Variants in ZFP14 observed in about 807,000 individuals in gnomAD.
ZFP14 encodes ZFP14 zinc finger protein, also known as zinc finger protein 14 homolog.
A neutral mutation model predicts 54.5 loss-of-function variants in ZFP14; 22 were observed. The observed-to-expected ratio is 0.40, with a 90% CI of 0.29 to 0.58. The LOEUF (loss-of-function observed/expected upper bound fraction) is 0.58, where lower values mean the gene tolerates loss of function less well. Among genes scored for constraint, ZFP14 ranks in the 20% least tolerant of loss-of-function variants. ZFP14 has a pLI of 0.39. For missense variants in ZFP14, 470 were observed against 637.8 expected (o/e 0.74, Z 2.83); for synonymous variants, 159 against 204.0 (o/e 0.78, Z 1.88).
chr19:36,365,823 G>A (rs2031785169), intron 2 of ZFP14, among the ~76,000 whole-genome samples: 2 of 152,028 alleles, frequency 1.3e-5, no homozygotes, highest in Admixed American at 6.6e-5. Context: ...AGCCAAGAGT[G>A]GTGGCACGTG....
chr19:36,347,488 T>C (rs1334661093), intron 4 of ZFP14, among the ~76,000 whole-genome samples: 1 of 151,784 alleles, frequency 6.6e-6, no homozygotes, highest in Non-Finnish European at 1.5e-5. Context: ...AAGGCGCCTA[T>C]AGTCCCAGTT....
chr19:36,367,490 T>C lies in ZFP14; in HGVS notation c.9+394A>G, dbSNP rs1600083243. Among the ~76,000 whole-genome samples, 2 of 150,966 alleles carry C rather than the reference T, an allele frequency of 1.3e-5. 1 individual carries two copies. Among genetic ancestry groups the C allele is most frequent in the Non-Finnish European group, 3.0e-5 (2 of 67,680 alleles). ...AGGGAAAAGAACTGGAGTAGGTTCT[T>C]TTTTTTTTGAGATGGTGTCTTGCTC... On this transcript the variant is annotated intron_variant, in intron 2 of 4. Transcript: ENST00000270001.
intron 4 of ZFP14, among the ~76,000 whole-genome samples, chr19:36,346,614 G>A (rs2031419915): frequency 6.6e-6 from 1 of 151,928 alleles, no homozygotes; most frequent in Non-Finnish European, 1.5e-5. Context: ...TTTCTACCAT[G>A]CCCAGCTAAT....
intron 1 of ZFP14, among the ~76,000 whole-genome samples, chr19:36,377,339 C>T (rs2031978351): frequency 6.6e-6 from 1 of 151,950 alleles, no homozygotes; most frequent in Non-Finnish European, 1.5e-5. Context: ...TCCTTGACTC[C>T]AGGAGTTCAA....
intron 1 of ZFP14, among the ~76,000 whole-genome samples, chr19:36,371,365 T>G (rs1415829045): frequency 6.6e-6 from 1 of 152,092 alleles, no homozygotes; most frequent in Admixed American, 6.6e-5. Flanking sequence ...GTGATCAGAA[T>G]GAGAAATTAA....
chr19:36,361,500 A>G (rs2031709930), intron 3 of ZFP14, among the ~76,000 whole-genome samples: 1 of 151,772 alleles, frequency 6.6e-6, no homozygotes, highest in African/African-American at 2.4e-5. Flanking sequence ...TCGGCCTCCT[A>G]AAGTGCTAGG....
At chr19:36,361,331 C>A (rs1215682178) in intron 3 of ZFP14, among the ~76,000 whole-genome samples, 44 of 152,054 alleles carry the variant, frequency 2.9e-4, no homozygotes, top group Admixed American at 2.8e-3. Flanking sequence ...CCTCAGTCTC[C>A]CAGCTTCCAG....
At chr19:36,361,168 C>T (rs926975471) in intron 3 of ZFP14, among the ~76,000 whole-genome samples, 2 of 152,098 alleles carry the variant, frequency 1.3e-5, no homozygotes, top group Non-Finnish European at 2.9e-5. Context: ...AAATGCCAGG[C>T]TTTTAGATTT....
chr19:36,363,386 G>T (rs1260309049), intron 2 of ZFP14, among the ~76,000 whole-genome samples: 1 of 151,380 alleles, frequency 6.6e-6, no homozygotes, highest in African/African-American at 2.4e-5. Context: ...TAGTAGAGAC[G>T]GGGTTTCTCC....
chr19:36,341,448 T>G lies in ZFP14; in HGVS notation c.378A>C (p.Lys126Asn). 1 of 1,614,164 alleles carries G rather than the reference T, an allele frequency of 6.2e-7. No individual in the cohort carries two copies. The highest frequency in any genetic ancestry group is 8.5e-7 in the Non-Finnish European group (1 of 1,180,022). ...GTTCCTTTTCCCCCTCAATCTTGCTTTTGCATTCCCAATCATTCCTAAAAA... is the reference window on the plus strand; with the variant it reads ...GTTCCTTTTCCCCCTCAATCTTGCTGTTGCATTCCCAATCATTCCTAAAAA... The part of the protein sequence containing the change: ...GSIFRNDWEC[K>N]SKIEGEKEQQ... Residue 126 changes from lysine (K) to asparagine (N), a missense_variant, in exon 5 of 5, where the codon AAA becomes AAC. Transcript: ENST00000270001. The surrounding 1 kb of genome is among the most constrained non-coding windows in gnomAD (Gnocchi z 4.2).
rs559520830 is a variant in ZFP14 at position 36,343,672 on chromosome 19, A to G, written c.236-2082T>C. 3.6e-4 allele frequency among the ~76,000 whole-genome samples: 55 copies of G among 152,348 alleles called. No individual in the cohort carries two copies. The South Asian group carries it at 4.4e-3, about 12-fold the overall frequency. On this transcript the variant is annotated intron_variant, in intron 4 of 4. Coordinates refer to ENST00000270001, the MANE Select transcript of ZFP14 (RefSeq NM_020917.3). The stretch of plus-strand genomic sequence containing the variant: ...TCTACTCTACTCTGACGGATTAAGG[A>G]GTTTATTTCTTAACAATTATGGGGG...
At chr19:36,377,790 G>A (rs377308669) in intron 1 of ZFP14, among the ~76,000 whole-genome samples, 11 of 152,208 alleles carry the variant, frequency 7.2e-5, no homozygotes, top group African/African-American at 2.6e-4. Context: ...GGAGGTTTCA[G>A]TGAGCACATC....
At chr19:36,357,715 T>C (rs1454601935) in intron 4 of ZFP14, among the ~76,000 whole-genome samples, 1 of 152,070 alleles carries the variant, frequency 6.6e-6, no homozygotes, top group Non-Finnish European at 1.5e-5. Flanking sequence ...TTGATCACTG[T>C]AGTTTTAATA....
At chr19:36,363,993 A>T (rs966722566) in intron 2 of ZFP14, among the ~76,000 whole-genome samples, 11 of 152,092 alleles carry the variant, frequency 7.2e-5, no homozygotes, top group Admixed American at 7.2e-4. Flanking sequence ...CGGTCTCAAA[A>T]AAAAAAAAAA....
chr19:36,341,157 G>A lies in ZFP14; in HGVS notation c.669C>T (p.Thr223=), dbSNP rs532664495. The change falls in exon 5 of 5, where the codon ACC becomes ACT. Residue 223 remains threonine, a synonymous_variant. Transcript: ENST00000270001. The surrounding 1 kb of genome is among the most constrained non-coding windows in gnomAD (Gnocchi z 4.2). ...AHLIRHHKLH[T]GEKPYECKEC... is the part of the protein sequence containing the mutation. The stretch of plus-strand genomic sequence containing the variant: ...CCTTACATTCATAGGGTTTCTCACC[G>A]GTGTGAAGTTTGTGATGTCGAATAA... The A allele has an allele frequency of 3.4e-4, 549 of 1,613,862 alleles. 5 individuals are homozygous for A. In the South Asian group the frequency reaches 5.3e-3, roughly 16 times the overall value.
intron 4 of ZFP14, among the ~76,000 whole-genome samples, chr19:36,344,866 C>A (rs1352541308): frequency 6.6e-6 from 1 of 152,142 alleles, no homozygotes; most frequent in African/African-American, 2.4e-5. Flanking sequence ...CAAAACTGGT[C>A]CCTGGTGTCA....
chr19:36,371,863 C>T (rs2145563518), intron 1 of ZFP14, among the ~76,000 whole-genome samples: 1 of 151,846 alleles, frequency 6.6e-6, no homozygotes, highest in African/African-American at 2.4e-5. Context: ...GCGGCTGAAG[C>T]AGAAGGATCA....
At position 36,335,358 on chromosome 19, in the gene ZFP14, A is replaced by G. The variant is rs1013024492; in HGVS notation, c.*4866T>C. The G allele has an allele frequency of 6.6e-5, 10 of 152,226 alleles. No homozygotes were observed. The highest frequency in any genetic ancestry group is 2.2e-4 in the African/African-American group (9 of 41,454). The allele number at this position is 152,226 out of a possible 1,614,324, so 9.4% of individuals were successfully genotyped here. On this transcript the variant is annotated 3_prime_UTR_variant, in exon 5 of 5. Transcript: ENST00000270001. The stretch of plus-strand genomic sequence containing the variant: ...AAGAAACACTGACCTATTAGCAAAG[A>G]TAGATTTTGTAATAAATTCTAAATA...
Position 36,334,678 on chromosome 19 carries a change from C to T in ZFP14, c.*5546G>A, listed in dbSNP as rs745414188. 8 of 152,152 alleles carry T rather than the reference C, an allele frequency of 5.3e-5. No homozygotes were observed. The highest frequency in any genetic ancestry group is 1.2e-4 in the Non-Finnish European group (8 of 68,022). 9.4% of individuals were successfully genotyped at this position (152,152 alleles called of 1,614,324 possible). A position where few individuals can be genotyped will look rare whatever the true frequency, so the allele number is the denominator to read the frequency against. On this transcript the variant is annotated 3_prime_UTR_variant, in exon 5 of 5. Coordinates refer to ENST00000270001, the MANE Select transcript of ZFP14 (RefSeq NM_020917.3). ...TGACTTATGCCGCCCCCAACACAAC[C>T]ACTCACCATATCTAAAATTACACCC... is the stretch of plus-strand genomic sequence containing the variant.
Sources: gnomAD v4.1 joint callset for allele counts (sites outside exome capture counted in the v4.1 genomes callset) on GRCh38, gnomAD v4.1.1 for gene constraint, Gnocchi (gnomAD v3.1) non-coding constraint, MANE v1.5 for transcripts, NCBI Gene and HGNC (gene_info 2026-07-23, HGNC 2026-07-21) for gene names.